The following LINGO2 variants were observed in gnomAD, a reference collection of about 807,000 sequenced individuals.
LINGO2 encodes leucine rich repeat and Ig domain containing 2, also known as leucine-rich repeat and immunoglobulin-like domain-containing nogo receptor-interacting protein 2.
In LINGO2, 14 loss-of-function variants were observed where a neutral mutation model predicts 30.6. The ratio of observed to expected loss-of-function variants is 0.46; its 90% CI spans 0.30 to 0.72. LINGO2 has a LOEUF of 0.72. Ranked by LOEUF, LINGO2 falls within the 30% of genes least tolerant of loss-of-function variation. LINGO2 has a pLI of 0.07. For synonymous variants in LINGO2, 317 were observed against 288.5 expected, an observed-to-expected ratio of 1.10 and a Z score of -1.00; for missense variants, 729 against 751.7, an observed-to-expected ratio of 0.97 and a Z score of 0.35.
chr9:28,307,993 T>C (rs1824440159), intron 3 of LINGO2, among the ~76,000 whole-genome samples: 1 of 151,434 alleles, frequency 6.6e-6, no homozygotes, highest in South Asian at 2.1e-4. Flanking sequence ...ATCGTGAAAA[T>C]GGCCATACTG....
At chr9:29,133,328 A>G in the LINGO2 span, among the ~76,000 whole-genome samples, 1 of 152,124 alleles carries the variant, frequency 6.6e-6, no homozygotes, top group Non-Finnish European at 1.5e-5. Context: ...TTTATTTCTC[A>G]TATTATTTTT....
At chr9:28,797,333 T>C in the LINGO2 span, among the ~76,000 whole-genome samples, 19 of 53,008 alleles carry the variant, frequency 3.6e-4, no homozygotes, top group South Asian at 0.013. Context: ...TATATACATA[T>C]ATATATATAT....
chr9:27,991,500 C>T (rs111285820), intron 5 of LINGO2, among the ~76,000 whole-genome samples: 3,384 of 152,120 alleles, frequency 0.022, 51 homozygotes, highest in Admixed American at 0.041. Context: ...ATTAGCATAG[C>T]TCTCTCAAGA....
At chr9:28,922,376 A>ATT in the LINGO2 span, among the ~76,000 whole-genome samples, 197 of 150,302 alleles carry the variant, frequency 1.3e-3, no homozygotes, top group African/African-American at 4.2e-3. Context: ...AAAGAGTCAG[A>ATT]TTTTTTTTTT....
the LINGO2 span, among the ~76,000 whole-genome samples, chr9:29,196,284 A>G: frequency 3.3e-5 from 5 of 152,186 alleles, no homozygotes; most frequent in Middle Eastern, 0.017. Flanking sequence ...TGTTGCTAGA[A>G]TAGATTTAAT....
At chr9:28,039,066 G>C (rs1227886263) in intron 4 of LINGO2, among the ~76,000 whole-genome samples, 1 of 152,180 alleles carries the variant, frequency 6.6e-6, no homozygotes, top group Non-Finnish European at 1.5e-5. Context: ...GAGGGAGGAA[G>C]TTTAGGGCAA....
chr9:29,046,721 A>G, the LINGO2 span, among the ~76,000 whole-genome samples: 5 of 152,146 alleles, frequency 3.3e-5, no homozygotes, highest in African/African-American at 1.2e-4. Flanking sequence ...AACAATCACA[A>G]CAAAAGCAAA....
the LINGO2 span, among the ~76,000 whole-genome samples, chr9:28,970,469 T>C: frequency 3.3e-5 from 5 of 152,162 alleles, no homozygotes; most frequent in African/African-American, 1.2e-4. Flanking sequence ...ATCCTATCCA[T>C]GAAAGAGGCA....
chr9:28,698,454 C>G, the LINGO2 span, among the ~76,000 whole-genome samples: 2 of 152,086 alleles, frequency 1.3e-5, no homozygotes, highest in East Asian at 1.9e-4. Context: ...TATCTCCAAA[C>G]GTCTGATTTC....
intron 1 of LINGO2, among the ~76,000 whole-genome samples, chr9:28,600,777 C>T (rs1825428405): frequency 6.6e-6 from 1 of 152,036 alleles, no homozygotes; most frequent in Admixed American, 6.6e-5. Context: ...TGCATAGAGG[C>T]ACGAGAATAG....
chr9:29,012,771 C>T, the LINGO2 span, among the ~76,000 whole-genome samples: 2 of 152,050 alleles, frequency 1.3e-5, no homozygotes, highest in African/African-American at 4.8e-5. Flanking sequence ...GTAACTGTCA[C>T]AAAACATCTA....
intron 1 of LINGO2, among the ~76,000 whole-genome samples, chr9:28,555,676 C>T (rs555236647): frequency 1.6e-4 from 24 of 152,034 alleles, no homozygotes; most frequent in African/African-American, 4.3e-4. Context: ...ATACCAAAGC[C>T]GGGCCGAGAC....
At chr9:28,566,531 G>T (rs953331430) in intron 1 of LINGO2, among the ~76,000 whole-genome samples, 3 of 152,144 alleles carry the variant, frequency 2.0e-5, no homozygotes, top group African/African-American at 7.2e-5. Context: ...TTTGTGTGCA[G>T]ATTACCACAT....
the LINGO2 span, among the ~76,000 whole-genome samples, chr9:28,911,845 A>G: frequency 1.3e-5 from 2 of 152,118 alleles, no homozygotes; most frequent in South Asian, 4.1e-4. Context: ...TTTCCCGGAG[A>G]GTAACCAAGT....
intron 4 of LINGO2, among the ~76,000 whole-genome samples, chr9:28,169,951 T>TTTTGA (rs1828535796): frequency 6.6e-6 from 1 of 152,178 alleles, no homozygotes; most frequent in African/African-American, 2.4e-5. Flanking sequence ...TAAGGTTACA[T>TTTTGA]CCCTTTTGAC....
At chr9:28,669,702 C>T (rs1828942032) in intron 1 of LINGO2, among the ~76,000 whole-genome samples, 1 of 151,842 alleles carries the variant, frequency 6.6e-6, no homozygotes, top group South Asian at 2.1e-4. Context: ...GCCATTAGTA[C>T]TAGTGGGGGA....
intron 2 of LINGO2, among the ~76,000 whole-genome samples, chr9:28,393,361 T>G (rs187575803): frequency 4.6e-5 from 7 of 152,262 alleles, no homozygotes; most frequent in African/African-American, 1.7e-4. Context: ...GCAGAGAAAA[T>G]TACATTATTC....
chr9:29,113,121 A>G, the LINGO2 span, among the ~76,000 whole-genome samples: 1 of 152,220 alleles, frequency 6.6e-6, no homozygotes, highest in East Asian at 1.9e-4. Flanking sequence ...GAAAACGCAT[A>G]CCATGAATAA....
intron 4 of LINGO2, among the ~76,000 whole-genome samples, chr9:28,165,743 C>T (rs933689595): frequency 3.3e-5 from 5 of 152,110 alleles, no homozygotes; most frequent in Admixed American, 3.3e-4. Flanking sequence ...AGTTAGTTTC[C>T]CTTCTCAATT....
Sources: allele counts gnomAD v4.1 joint callset (sites outside exome capture counted in the v4.1 genomes callset), GRCh38; gene constraint gnomAD v4.1.1; transcripts MANE v1.5; gene names NCBI Gene and HGNC (gene_info 2026-07-23, HGNC 2026-07-21).